Variants in NR2C1 observed in about 807,000 individuals in gnomAD.
NR2C1 encodes the protein nuclear receptor subfamily 2 group C member 1.
Under a neutral mutation model 74.8 loss-of-function variants are expected in NR2C1, and 33 were observed. The observed-to-expected ratio is 0.44, with a 90% CI of 0.33 to 0.59. The LOEUF is 0.59. Among genes scored for constraint, NR2C1 ranks in the 20% least tolerant of loss-of-function variants. The pLI is 0.02. For missense variants in NR2C1, 568 were observed against 715.6 expected, an observed-to-expected ratio of 0.79 and a Z score of 2.35; for synonymous variants, 225 against 240.6, an observed-to-expected ratio of 0.94 and a Z score of 0.60.
chr12:95,044,549 T>A (rs1451481373), intron 9 of NR2C1, among the ~76,000 whole-genome samples: 6 of 152,010 alleles, frequency 3.9e-5, no homozygotes, highest in Non-Finnish European at 8.8e-5. Flanking sequence ...GTGCTGAGAT[T>A]ACAGGTGCGA....
intron 8 of NR2C1, among the ~76,000 whole-genome samples, chr12:95,050,270 T>G (rs1227553932): frequency 6.6e-6 from 1 of 152,162 alleles, no homozygotes; most frequent in Non-Finnish European, 1.5e-5. Context: ...AAGTATTACT[T>G]ATTGTGACTC....
intron 8 of NR2C1, among the ~76,000 whole-genome samples, chr12:95,049,757 A>G (rs571561123): frequency 2.6e-5 from 4 of 152,188 alleles, no homozygotes; most frequent in Non-Finnish European, 5.9e-5. Context: ...TACACAGTAC[A>G]ATAGGTCTTA....
chr12:95,066,943 C>T (rs1217509805), intron 2 of NR2C1: 4 of 191,466 alleles, frequency 2.1e-5, no homozygotes, highest in Non-Finnish European at 4.2e-5. Flanking sequence ...TAGGACACAA[C>T]CATTTAAAAA....
chr12:95,057,098 A>ATTTTTTTTTTTTTT (rs1184465413), intron 7 of NR2C1, among the ~76,000 whole-genome samples: 1 of 111,560 alleles, frequency 9.0e-6, no homozygotes, highest in African/African-American at 3.4e-5. Flanking sequence ...AACATTTCTG[A>ATTTTTTTTTTTTTT]TTTTTTTTTT....
At position 95,057,822 on chromosome 12, in the gene NR2C1, C is replaced by T; in HGVS notation, c.601G>A (p.Ala201Thr). Residue 201 changes from alanine (A) to threonine (T), a missense_variant, in exon 6 of 14, where the codon GCC becomes ACC. This residue lies in a region of NR2C1 where 239 missense variants were observed against 232.3 expected (regional missense o/e 1.03). Transcript: ENST00000333003. ...EVSREKSSNC[A>T]ASTEKIYIRK... is the part of the protein sequence containing the mutation. ...ATATAGATTTTTTCTGTTGAAGCGG[C>T]ACAGTTGGAAGATTTTTCTCGTGAT... The T allele has an allele frequency of 6.2e-7, 1 of 1,614,040 alleles. No homozygotes were observed. Among genetic ancestry groups the T allele is most frequent in the Non-Finnish European group, 8.5e-7 (1 of 1,179,932 alleles).
At chr12:95,025,663 A>AAT (rs1220672313) in intron 12 of NR2C1, among the ~76,000 whole-genome samples, 1 of 149,636 alleles carries the variant, frequency 6.7e-6, no homozygotes, top group Non-Finnish European at 1.5e-5. Flanking sequence ...TGTCTTAAAA[A>AAT]AAAAAAAAAA....
chr12:95,070,319 A>G (rs1247082686), intron 1 of NR2C1, among the ~76,000 whole-genome samples: 1 of 151,956 alleles, frequency 6.6e-6, no homozygotes, highest in African/African-American at 2.4e-5. Context: ...TTTAGTAGAG[A>G]AAGGGTTTCA....
At chr12:95,029,319 G>C (rs1869761758) in intron 11 of NR2C1, among the ~76,000 whole-genome samples, 1 of 151,796 alleles carries the variant, frequency 6.6e-6, no homozygotes, top group Non-Finnish European at 1.5e-5. Context: ...GACCTCAAGT[G>C]ATCTGCCTGC....
Position 95,021,651 on chromosome 12 carries a change from G to GT in NR2C1, c.*577_*578insA, listed in dbSNP as rs139277666. 0.037 allele frequency: 5,564 copies of GT among 152,264 alleles called. 136 individuals carry two copies. The highest frequency in any genetic ancestry group is 0.082 in the Middle Eastern group (24 of 294). The allele number at this position is 152,264 out of a possible 1,614,324, so 9.4% of individuals were successfully genotyped here. A position where few individuals can be genotyped will look rare whatever the true frequency, so the allele number is the denominator to read the frequency against. On this transcript the variant is annotated 3_prime_UTR_variant, in exon 14 of 14. Transcript: ENST00000333003. ...TGGCCTGTCTCACTGCCAGCAATGAGAGTAGTATATGCTAAGGGACACCAT... is the reference window on the plus strand; with the variant it reads ...TGGCCTGTCTCACTGCCAGCAATGAGTAGTAGTATATGCTAAGGGACACCAT...
chr12:95,066,860 G>A lies in NR2C1; in HGVS notation c.54+471C>T, dbSNP rs1252365658. 5 of 155,246 alleles carry A rather than the reference G, an allele frequency of 3.2e-5. No individual in the cohort carries two copies. In the Admixed American group the frequency reaches 3.3e-4, roughly 10 times the overall value. 9.6% of individuals were successfully genotyped at this position (155,246 alleles called of 1,614,324 possible). ...ATTATTATAAAAATGGTCTTCACCT[G>A]GTTGATTCTCTGAAGTGTCCCCAGA... On this transcript the variant is annotated intron_variant, in intron 2 of 13. Transcript: ENST00000333003.
chr12:95,067,257 G>T lies in NR2C1; in HGVS notation c.54+74C>A. 3 of 1,148,248 alleles carry T rather than the reference G, an allele frequency of 2.6e-6. No homozygotes were observed. In the South Asian group the frequency reaches 3.8e-5, roughly 15 times the overall value. The allele number at this position is 1,148,248 out of a possible 1,614,324, so 71.1% of individuals were successfully genotyped here. A position where few individuals can be genotyped will look rare whatever the true frequency, so the allele number is the denominator to read the frequency against. On this transcript the variant is annotated intron_variant, in intron 2 of 13. Coordinates refer to ENST00000333003, the MANE Select transcript of NR2C1 (RefSeq NM_003297.4). The stretch of plus-strand genomic sequence containing the variant: ...AATATCTTTTATTTCTGGAACTCCA[G>T]AACCTGGTATATGCATTTAGTAGGA...
chr12:95,058,450 C>A lies in NR2C1; in HGVS notation c.404G>T (p.Gly135Val). The change falls in exon 5 of 14, where the codon GGA becomes GTA. Residue 135 changes from glycine (G) to valine (V), a missense_variant. Gly to Val is a moderately radical substitution (Grantham distance 109). This residue lies in a region of NR2C1 where 44 missense variants were observed against 95.6 expected (regional missense o/e 0.46). Coordinates refer to ENST00000333003, the MANE Select transcript of NR2C1 (RefSeq NM_003297.4). ...YGAVTCEGCK[G>V]FFKRSIRKNL... The stretch of plus-strand genomic sequence containing the variant: ...TTTTCGGATGCTTCTTTTAAAAAAT[C>A]CTTTGCAGCCTTCACAAGTTACTGC... The A allele has an allele frequency of 6.2e-7, 1 of 1,613,330 alleles. No homozygotes were observed. The highest frequency in any genetic ancestry group is 2.2e-5 in the East Asian group (1 of 44,840).
chr12:95,030,875 T>C (rs1468483925), intron 11 of NR2C1: 5 of 1,610,066 alleles, frequency 3.1e-6, no homozygotes, highest in African/African-American at 1.3e-5. Context: ...CCTTGGCATC[T>C]AGGAAAGGAA....
At chr12:95,048,358 T>C (rs1381682504) in intron 9 of NR2C1, among the ~76,000 whole-genome samples, 1 of 152,254 alleles carries the variant, frequency 6.6e-6, no homozygotes, top group Non-Finnish European at 1.5e-5. Flanking sequence ...TAGCTAGGCA[T>C]TGAACAAAAG....
intron 4 of NR2C1, among the ~76,000 whole-genome samples, 179 bp downstream of exon 4, chr12:95,059,727 G>GA (rs1874460734): frequency 6.6e-6 from 1 of 151,868 alleles, no homozygotes; most frequent in Admixed American, 6.6e-5. Flanking sequence ...AGAACTCTGG[G>GA]AAAAAATTAG....
intron 12 of NR2C1, among the ~76,000 whole-genome samples, chr12:95,026,214 A>T (rs1869344741): frequency 6.6e-6 from 1 of 152,128 alleles, no homozygotes; most frequent in African/African-American, 2.4e-5. Context: ...CTCCAAAAAA[A>T]AAAAAAAGGC....
At chr12:95,050,555 CCT>C (rs1872842536) in intron 8 of NR2C1, among the ~76,000 whole-genome samples, 1 of 152,028 alleles carries the variant, frequency 6.6e-6, no homozygotes, top group Non-Finnish European at 1.5e-5. Context: ...GTGATCCACC[CCT>C]CTCGGCCTCC....
chr12:95,052,947 G>C (rs759744050), intron 7 of NR2C1, among the ~76,000 whole-genome samples: 5 of 151,842 alleles, frequency 3.3e-5, no homozygotes, highest in Admixed American at 6.6e-5. Context: ...TGTCACTGGA[G>C]TTGAAAACTC....
At chr12:95,060,364 C>CA (rs1874606690) in intron 3 of NR2C1, among the ~76,000 whole-genome samples, 2 of 152,030 alleles carry the variant, frequency 1.3e-5, no homozygotes, top group South Asian at 2.1e-4. Flanking sequence ...CTTTAAAAAA[C>CA]AAAAAAAGGC....
Sources: gnomAD v4.1 joint callset for allele counts (sites outside exome capture counted in the v4.1 genomes callset) on GRCh38, gnomAD v4.1.1 for gene constraint, gnomAD v4.1.1 regional missense constraint, MANE v1.5 for transcripts, NCBI Gene and HGNC (gene_info 2026-07-23, HGNC 2026-07-21) for gene names.